Variants in CHRM3 observed in about 807,000 individuals in gnomAD.
The protein encoded by CHRM3 is muscarinic acetylcholine receptor M3.
CHRM3 carries 11 observed loss-of-function variants against 41.8 expected under a neutral mutation model. The ratio of observed to expected loss-of-function variants is 0.26; its 90% CI spans 0.17 to 0.44. CHRM3 has a LOEUF of 0.44. Ranked by LOEUF, CHRM3 falls within the 20% of genes least tolerant of loss-of-function variation. The probability of loss-of-function intolerance (pLI) is 1.00; values close to 1 mark genes in which losing one functional copy is unlikely to be tolerated. For synonymous variants in CHRM3, 297 were observed against 301.4 expected (o/e 0.99, Z 0.15); for missense variants, 571 against 745.4 (o/e 0.77, Z 2.72).
At chr1:239,649,538 A>G (rs975745617) in intron 4 of CHRM3, among the ~76,000 whole-genome samples, 2 of 152,212 alleles carry the variant, frequency 1.3e-5, no homozygotes, top group African/African-American at 4.8e-5. Context: ...GCTCAGTTTT[A>G]AAAGGGAGCA....
chr1:239,734,325 A>C (rs1664222389), intron 5 of CHRM3, among the ~76,000 whole-genome samples: 1 of 152,128 alleles, frequency 6.6e-6, no homozygotes, highest in African/African-American at 2.4e-5. Flanking sequence ...AAGGACTCAG[A>C]GCCAACTTGA....
intron 5 of CHRM3, among the ~76,000 whole-genome samples, chr1:239,712,631 C>T (rs937538173): frequency 2.0e-5 from 3 of 152,196 alleles, no homozygotes; most frequent in African/African-American, 7.2e-5. Context: ...TCCTCGAATA[C>T]TTGCATTGCA....
intron 1 of CHRM3, among the ~76,000 whole-genome samples, chr1:239,417,081 T>A (rs1661556863): frequency 6.6e-6 from 1 of 152,248 alleles, no homozygotes; most frequent in East Asian, 1.9e-4. Context: ...ACTGAGTAGG[T>A]GATTTTGCAG....
chr1:239,894,567 GC>G (rs1678830775), intron 6 of CHRM3, among the ~76,000 whole-genome samples: 2 of 152,094 alleles, frequency 1.3e-5, no homozygotes, highest in Non-Finnish European at 1.5e-5. Flanking sequence ...CAAGTAGCTG[GC>G]ATTACAGGTG....
intron 5 of CHRM3, among the ~76,000 whole-genome samples, chr1:239,816,190 A>T (rs1214116955): frequency 1.3e-5 from 2 of 152,172 alleles, no homozygotes; most frequent in South Asian, 2.1e-4. Flanking sequence ...AGAAGCATCC[A>T]GAATGCAGAG....
At chr1:239,862,701 A>C (rs938511481) in intron 6 of CHRM3, among the ~76,000 whole-genome samples, 2 of 152,198 alleles carry the variant, frequency 1.3e-5, no homozygotes, top group Non-Finnish European at 1.5e-5. Flanking sequence ...TAAGACTCCC[A>C]GTCTGCTTCA....
At chr1:239,655,784 A>C (rs1433738884) in intron 4 of CHRM3, among the ~76,000 whole-genome samples, 1 of 152,234 alleles carries the variant, frequency 6.6e-6, no homozygotes, top group Non-Finnish European at 1.5e-5. Context: ...AGTAATGTAA[A>C]ATAAGCAATT....
chr1:239,765,332 T>A (rs1300277093), intron 5 of CHRM3, among the ~76,000 whole-genome samples: 3 of 152,220 alleles, frequency 2.0e-5, no homozygotes, highest in Non-Finnish European at 1.5e-5. Flanking sequence ...TGGCCATTGG[T>A]CCTGGTGCCT....
intron 3 of CHRM3, among the ~76,000 whole-genome samples, chr1:239,595,621 G>C (rs1455259414): frequency 1.3e-5 from 2 of 152,132 alleles, no homozygotes; most frequent in South Asian, 2.1e-4. Context: ...TGCCAAGCCT[G>C]TGAGATTTGT....
intron 6 of CHRM3, among the ~76,000 whole-genome samples, chr1:239,899,276 A>AGTGTGTGTGTGT (rs71168861): frequency 7.2e-4 from 97 of 134,634 alleles, no homozygotes; most frequent in African/African-American, 2.7e-3. Flanking sequence ...TTTTGAACTC[A>AGTGTGTGTGTGT]GTGTGTGTGT....
At chr1:239,736,388 A>AAATAAT (rs77665012) in intron 5 of CHRM3, among the ~76,000 whole-genome samples, 1 of 151,582 alleles carries the variant, frequency 6.6e-6, no homozygotes, top group Non-Finnish European at 1.5e-5. Flanking sequence ...ATCAATAACC[A>AAATAAT]AATAATAATA....
In CHRM3 at chr1:239,856,240, G is replaced by A. The variant is rs530162159; in HGVS notation, c.-20+28862G>A. ...AGCTGTGTAGTATAGAAGGTGATAA[G>A]GTTTGGCTTTGTGTCCCCACCCAAA... On this transcript the variant is annotated intron_variant, in intron 6 of 6. Transcript: ENST00000676153. 3.9e-5 allele frequency among the ~76,000 whole-genome samples: 6 copies of A among 152,240 alleles called. 1 individual carries two copies. In the Middle Eastern group the frequency reaches 0.017, roughly 432 times the overall value.
intron 6 of CHRM3, among the ~76,000 whole-genome samples, chr1:239,894,662 C>T (rs868112468): frequency 6.6e-6 from 1 of 151,850 alleles, no homozygotes; most frequent in Admixed American, 6.6e-5. Context: ...CGAACTCATG[C>T]GCTCAAGTGA....
chr1:239,656,331 T>TA (rs34207520), intron 4 of CHRM3, among the ~76,000 whole-genome samples: 70,909 of 150,858 alleles, frequency 0.47, 17,315 homozygotes, highest in East Asian at 0.68. Context: ...TATTTTTTTT[T>TA]AAAAAAAGGG....
At chr1:239,602,045 C>CAT (rs1020180559) in intron 3 of CHRM3, among the ~76,000 whole-genome samples, 1 of 148,860 alleles carries the variant, frequency 6.7e-6, no homozygotes, top group Non-Finnish European at 1.5e-5. Context: ...CATATATACA[C>CAT]ATATATATAC....
Position 239,553,957 on chromosome 1 carries a change from C to T in CHRM3, c.-313+8208C>T, listed in dbSNP as rs187720052. 2.3e-3 allele frequency among the ~76,000 whole-genome samples: 354 copies of T among 152,124 alleles called. 2 individuals carry two copies. Among genetic ancestry groups the T allele is most frequent in the African/African-American group, 7.8e-3 (324 of 41,498 alleles). On this transcript the variant is annotated intron_variant, in intron 3 of 6. Coordinates refer to ENST00000676153, the MANE Select transcript of CHRM3 (RefSeq NM_001375978.1). ...AGGCTAGAGTGCAGTGGCATGATCTCGGTTCAGTACAACCTCAGCCTTTCA... is the reference window on the plus strand; with the variant it reads ...AGGCTAGAGTGCAGTGGCATGATCTTGGTTCAGTACAACCTCAGCCTTTCA...
intron 3 of CHRM3, among the ~76,000 whole-genome samples, chr1:239,619,275 T>G (rs1668087214): frequency 6.6e-6 from 1 of 152,108 alleles, no homozygotes; most frequent in Admixed American, 6.6e-5. Flanking sequence ...AATTACTGGT[T>G]TTTAACTTCA....
At chr1:239,475,194 A>G (rs1294118034) in intron 1 of CHRM3, among the ~76,000 whole-genome samples, 2 of 152,150 alleles carry the variant, frequency 1.3e-5, no homozygotes, top group Non-Finnish European at 2.9e-5. Context: ...ATGAAGAACA[A>G]ACCATCCATG....
At chr1:239,621,153 T>C (rs932463742) in intron 3 of CHRM3, among the ~76,000 whole-genome samples, 4 of 152,196 alleles carry the variant, frequency 2.6e-5, no homozygotes, top group African/African-American at 7.2e-5. Flanking sequence ...TTTGAGGTTA[T>C]TGTTGTAATT....
Sources: allele counts gnomAD v4.1 joint callset (sites outside exome capture counted in the v4.1 genomes callset), GRCh38; gene constraint gnomAD v4.1.1; transcripts MANE v1.5; gene names NCBI Gene and HGNC (gene_info 2026-07-23, HGNC 2026-07-21).